Variants in CHRM2 observed in about 807,000 individuals in gnomAD.
CHRM2 encodes cholinergic receptor muscarinic 2, also known as muscarinic acetylcholine receptor M2.
A neutral mutation model predicts 25.0 loss-of-function variants in CHRM2; 8 were observed. That is an observed-to-expected ratio of 0.32 (90% confidence interval 0.19 to 0.58). The LOEUF (loss-of-function observed/expected upper bound fraction) is 0.58. Ranked by LOEUF, CHRM2 falls within the 20% of genes least tolerant of loss-of-function variation. CHRM2 has a pLI of 0.88. For missense variants in CHRM2, 440 were observed against 567.1 expected, an observed-to-expected ratio of 0.78 and a Z score of 2.28; for synonymous variants, 202 against 205.7, an observed-to-expected ratio of 0.98 and a Z score of 0.15.
chr7:136,939,573 C>A (rs7800170), intron 2 of CHRM2, among the ~76,000 whole-genome samples: 77,138 of 152,068 alleles, frequency 0.51, 20,992 homozygotes, highest in African/African-American at 0.64. Flanking sequence ...TTCCTCTTTA[C>A]AATAAGATTC....
At chr7:137,013,237 T>C (rs1481100053) in intron 3 of CHRM2, among the ~76,000 whole-genome samples, 1 of 152,016 alleles carries the variant, frequency 6.6e-6, no homozygotes, top group Non-Finnish European at 1.5e-5. Flanking sequence ...TATATTTTCC[T>C]TTCTGGCTTC....
chr7:136,994,951 A>G (rs2131034593), intron 3 of CHRM2, among the ~76,000 whole-genome samples: 1 of 152,188 alleles, frequency 6.6e-6, no homozygotes, highest in Middle Eastern at 3.4e-3. Flanking sequence ...GGTTATTACA[A>G]CGATCCTTAT....
At chr7:136,871,584 C>G (rs12537753) in intron 2 of CHRM2, 20,078 of 152,714 alleles carry the variant, frequency 0.13, 1,479 homozygotes, top group Non-Finnish European at 0.17. Context: ...ATATGCGCAA[C>G]CATATGATAG....
intron 3 of CHRM2, among the ~76,000 whole-genome samples, chr7:136,999,504 G>A (rs180911355): frequency 1.3e-5 from 2 of 151,610 alleles, no homozygotes; most frequent in Non-Finnish European, 2.9e-5. Context: ...CCATTAACTC[G>A]TCATTTAACA....
At chr7:136,954,771 G>C (rs570714553) in intron 2 of CHRM2, among the ~76,000 whole-genome samples, 73 of 152,312 alleles carry the variant, frequency 4.8e-4, no homozygotes, top group Non-Finnish European at 7.9e-4. Context: ...TTCCATCCTC[G>C]TAGCTGCCAG....
intron 2 of CHRM2, among the ~76,000 whole-genome samples, chr7:136,946,036 C>A (rs1800053555): frequency 1.3e-5 from 2 of 152,100 alleles, no homozygotes; most frequent in Non-Finnish European, 2.9e-5. Context: ...GGCAGAGATT[C>A]TTGTCCCGGC....
intron 2 of CHRM2, among the ~76,000 whole-genome samples, chr7:136,965,846 T>A (rs1312078862): frequency 6.6e-6 from 1 of 151,908 alleles, no homozygotes; most frequent in Non-Finnish European, 1.5e-5. Flanking sequence ...GTTGGAATAA[T>A]TAGAATAGTA....
At chr7:136,951,620 C>T (rs1227459632) in intron 2 of CHRM2, among the ~76,000 whole-genome samples, 2 of 152,148 alleles carry the variant, frequency 1.3e-5, no homozygotes, top group East Asian at 1.9e-4. Flanking sequence ...GATTCGCTGT[C>T]CTTTCCTAAT....
chr7:136,930,198 C>T (rs1042448051), intron 2 of CHRM2, among the ~76,000 whole-genome samples: 2 of 152,008 alleles, frequency 1.3e-5, no homozygotes, highest in African/African-American at 2.4e-5. Flanking sequence ...TTTGGGAAGC[C>T]GACGTGGGCA....
intron 2 of CHRM2, among the ~76,000 whole-genome samples, chr7:136,927,061 G>T (rs1584768931): frequency 6.6e-6 from 1 of 152,064 alleles, no homozygotes; most frequent in Non-Finnish European, 1.5e-5. Context: ...GATGTCAGAT[G>T]GCCTGGGTTT....
intron 2 of CHRM2, among the ~76,000 whole-genome samples, chr7:136,965,607 C>CT (rs1415467707): frequency 6.6e-6 from 1 of 151,944 alleles, no homozygotes; most frequent in Non-Finnish European, 1.5e-5. Flanking sequence ...ATAAATGACA[C>CT]TGTAATTAAA....
rs896100198 is a variant in CHRM2 at position 136,926,969 on chromosome 7, T to A, written c.-125+57551T>A. 2.6e-5 allele frequency among the ~76,000 whole-genome samples: 4 copies of A among 152,324 alleles called. No homozygotes were observed. In the South Asian group the frequency reaches 8.3e-4, roughly 32 times the overall value. ...ACCATCCAAGTGACAACATCTACAA[T>A]ACACATTTTCTATTTGCCTTAAAGT... On this transcript the variant is annotated intron_variant, in intron 2 of 3. Transcript: ENST00000680005.
At chr7:136,965,812 A>G (rs1801378847) in intron 2 of CHRM2, among the ~76,000 whole-genome samples, 1 of 152,072 alleles carries the variant, frequency 6.6e-6, no homozygotes, top group South Asian at 2.1e-4. Flanking sequence ...GAACACAGAC[A>G]AAAATAATAC....
intron 2 of CHRM2, among the ~76,000 whole-genome samples, chr7:136,893,148 T>C (rs976408639): frequency 1.3e-5 from 2 of 152,152 alleles, no homozygotes; most frequent in African/African-American, 4.8e-5. Context: ...GCCAGCAGAC[T>C]TCTGGGAATA....
intron 2 of CHRM2, among the ~76,000 whole-genome samples, chr7:136,991,152 A>T (rs748071883): frequency 9.9e-5 from 15 of 152,038 alleles, no homozygotes; most frequent in Non-Finnish European, 1.9e-4. Flanking sequence ...CAGTTTATCA[A>T]TTATTTATTT....
Position 137,017,697 on chromosome 7 carries a change from G to A in CHRM2, c.*1431G>A, listed in dbSNP as rs1262550160. The A allele has an allele frequency of 6.6e-6, 1 of 151,896 alleles. No homozygotes were observed. The highest frequency in any genetic ancestry group is 2.4e-5 in the African/African-American group (1 of 41,400). The allele number at this position is 151,896 out of a possible 1,614,324, so 9.4% of individuals were successfully genotyped here. ...TAGTAATCTTTGTGACAGAAATGTA[G>A]TGGCTAACTAAATAGAGGCCAAACG... On this transcript the variant is annotated 3_prime_UTR_variant, in exon 4 of 4. Coordinates refer to ENST00000680005, the MANE Select transcript of CHRM2 (RefSeq NM_001006630.2).
At chr7:136,994,165 G>A (rs1480714160) in intron 3 of CHRM2, among the ~76,000 whole-genome samples, 4 of 152,082 alleles carry the variant, frequency 2.6e-5, no homozygotes, top group Non-Finnish European at 5.9e-5. Context: ...CAAACTGACA[G>A]ACCTTGGGGA....
intron 2 of CHRM2, among the ~76,000 whole-genome samples, chr7:136,959,196 GT>G (rs1800912957): frequency 6.6e-6 from 1 of 152,164 alleles, no homozygotes; most frequent in African/African-American, 2.4e-5. Context: ...ATTAAAAATA[GT>G]TTGAGAATTT....
chr7:136,953,953 T>C (rs138090564), intron 2 of CHRM2, among the ~76,000 whole-genome samples: 3,092 of 152,136 alleles, frequency 0.02, 322 homozygotes, highest in Admixed American at 0.18. Context: ...CCTCTTACCA[T>C]GGTGAGAGGA....
Sources: gnomAD v4.1 joint callset for allele counts (sites outside exome capture counted in the v4.1 genomes callset) on GRCh38, gnomAD v4.1.1 for gene constraint, MANE v1.5 for transcripts, NCBI Gene and HGNC (gene_info 2026-07-23, HGNC 2026-07-21) for gene names.